Variants in BRDT observed in about 807,000 individuals in gnomAD.
BRDT encodes the protein bromodomain testis-specific protein.
A neutral mutation model predicts 113.9 loss-of-function variants in BRDT; 77 were observed. The observed-to-expected ratio is 0.68, with a 90% CI of 0.56 to 0.82. The LOEUF (loss-of-function observed/expected upper bound fraction) is 0.82, where lower values mean the gene tolerates loss of function less well. Among genes scored for constraint, BRDT ranks in the 40% least tolerant of loss-of-function variants. The probability of loss-of-function intolerance (pLI) is 0.00; values close to 1 mark genes in which losing one functional copy is unlikely to be tolerated. For synonymous variants in BRDT, 358 were observed against 366.5 expected, an observed-to-expected ratio of 0.98 and a Z score of 0.26; for missense variants, 1,027 against 1,105.4, an observed-to-expected ratio of 0.93 and a Z score of 1.01.
At chr1:91,992,411 GCAAA>G (rs1685876691) in intron 14 of BRDT, 97 bp downstream of exon 14, 14 of 193,500 alleles carry the variant, frequency 7.2e-5, no homozygotes, top group Non-Finnish European at 9.8e-5. Context: ...ATGAAGAGAG[GCAAA>G]AAAAAAAAAA....
chr1:91,977,380 T>C lies in BRDT; in HGVS notation c.956T>C (p.Leu319Pro). Residue 319 changes from leucine to proline, a missense_variant, in exon 6 of 19, where the codon CTT becomes CCT. Coordinates refer to ENST00000399546, the MANE Select transcript of BRDT (RefSeq NM_207189.4). ...GACGTTGTCAAAAATCCGATGGATCTTGGAACTATTAAGGTAAATGTTGCC... is the reference window on the plus strand; with the variant it reads ...GACGTTGTCAAAAATCCGATGGATCCTGGAACTATTAAGGTAAATGTTGCC... ...YYDVVKNPMD[L>P]GTIKEKMDNQ... is the part of the protein sequence containing the mutation. 1 of 1,582,406 alleles carries C rather than the reference T, an allele frequency of 6.3e-7. No individual in the cohort carries two copies. The highest frequency in any genetic ancestry group is 2.3e-5 in the East Asian group (1 of 44,434).
At chr1:91,990,987 T>C (rs1266553433) in intron 12 of BRDT, among the ~76,000 whole-genome samples, 197 bp from the exon 13 acceptor site, 1 of 152,064 alleles carries the variant, frequency 6.6e-6, no homozygotes, top group African/African-American at 2.4e-5. Flanking sequence ...TTAGTAGAGA[T>C]GGGGTTTCAC....
chr1:91,956,154 A>T (rs938698836), intron 1 of BRDT, among the ~76,000 whole-genome samples: 10 of 152,164 alleles, frequency 6.6e-5, no homozygotes, highest in African/African-American at 2.2e-4. Flanking sequence ...AAGATGAACA[A>T]TCCCCTAGAT....
intron 15 of BRDT, among the ~76,000 whole-genome samples, chr1:91,995,546 A>G (rs1284070486): frequency 1.3e-5 from 2 of 151,342 alleles, no homozygotes; most frequent in African/African-American, 4.9e-5. Context: ...CAACCTCCGC[A>G]ATGATTCCCG....
intron 1 of BRDT, among the ~76,000 whole-genome samples, chr1:91,962,142 CTCAAAAAAAAAAAAAAAAAAAAA>C (rs1557806133): frequency 1.8e-5 from 1 of 54,622 alleles, no homozygotes; most frequent in Non-Finnish European, 3.0e-5. Context: ...AAGACTCCGT[CTCAAAAAAAAAAAAAAAAAAAAA>C]AAAAAAAAAA....
At chr1:91,962,540 G>C (rs1384052817) in intron 1 of BRDT, among the ~76,000 whole-genome samples, 178 bp from the exon 2 acceptor site, 24 of 151,954 alleles carry the variant, frequency 1.6e-4, no homozygotes, top group Admixed American at 1.5e-3. Flanking sequence ...CACTACATTG[G>C]TCAGGCTGGT....
At chr1:91,969,609 G>A (rs946068963) in intron 4 of BRDT, among the ~76,000 whole-genome samples, 7 of 151,944 alleles carry the variant, frequency 4.6e-5, no homozygotes, top group African/African-American at 1.2e-4. Flanking sequence ...TAAAACCAGC[G>A]TGCTAATTGT....
intron 2 of BRDT, 148 bp from the exon 3 acceptor site, chr1:91,964,479 G>A: frequency 2.1e-6 from 1 of 471,976 alleles, no homozygotes; most frequent in Non-Finnish European, 3.5e-6. Flanking sequence ...ACAGGCGTGA[G>A]CCACTGTGCC....
intron 15 of BRDT, among the ~76,000 whole-genome samples, chr1:91,995,079 G>C (rs189740525): frequency 1.2e-4 from 19 of 152,168 alleles, no homozygotes; most frequent in African/African-American, 4.1e-4. Flanking sequence ...AGAAGGGAAA[G>C]TTTTGCCTGT....
In BRDT at chr1:91,994,068, A is replaced by T; in HGVS notation, c.2116-15A>T. 2 of 1,580,690 alleles carry T rather than the reference A, an allele frequency of 1.3e-6. No individual in the cohort carries two copies. Among genetic ancestry groups the T allele is most frequent in the Non-Finnish European group, 1.7e-6 (2 of 1,167,028 alleles). ...TGGTTAAAACTAAGTGATAACTTTG[A>T]TTTTGTTTTAACAGATAGGATATTG... On this transcript the variant is annotated splice_polypyrimidine_tract_variant and intron_variant, in intron 14 of 18. Coordinates refer to ENST00000399546, the MANE Select transcript of BRDT (RefSeq NM_207189.4).
intron 12 of BRDT, among the ~76,000 whole-genome samples, chr1:91,985,740 GTTATTCTCCT>G (rs1250331114): frequency 6.9e-6 from 1 of 145,694 alleles, no homozygotes; most frequent in African/African-American, 2.5e-5. Flanking sequence ...CCGGGTTCAC[GTTATTCTCCT>G]GCCTCAGCCT....
intron 1 of BRDT, among the ~76,000 whole-genome samples, chr1:91,961,510 T>G (rs1682439355): frequency 6.6e-6 from 1 of 151,930 alleles, no homozygotes; most frequent in Non-Finnish European, 1.5e-5. Flanking sequence ...GCATCTGTAG[T>G]CGCAGCTACT....
intron 4 of BRDT, among the ~76,000 whole-genome samples, chr1:91,971,516 G>T (rs1050881422): frequency 6.6e-6 from 1 of 152,120 alleles, no homozygotes; most frequent in African/African-American, 2.4e-5. Context: ...AAAATAATGT[G>T]GTTACGTACA....
chr1:92,004,657 T>C, intron 17 of BRDT, 38 bp downstream of exon 17: 1 of 1,502,892 alleles, frequency 6.7e-7, no homozygotes, highest in South Asian at 1.3e-5. Context: ...GTTTGGGAGA[T>C]ATAGAATGTA....
chr1:91,983,030 A>G (rs1398225300), intron 12 of BRDT, among the ~76,000 whole-genome samples: 2 of 152,122 alleles, frequency 1.3e-5, no homozygotes, highest in African/African-American at 4.8e-5. Context: ...GTTAGTTTGA[A>G]TTATCTAATT....
chr1:91,973,209 G>A (rs969462241), intron 4 of BRDT, among the ~76,000 whole-genome samples: 1 of 152,200 alleles, frequency 6.6e-6, no homozygotes, highest in Non-Finnish European at 1.5e-5. Flanking sequence ...TTGAAGTGAG[G>A]TAGTGTGATG....
intron 12 of BRDT, among the ~76,000 whole-genome samples, chr1:91,987,403 G>A (rs544600460): frequency 1.3e-5 from 2 of 151,742 alleles, no homozygotes; most frequent in East Asian, 3.9e-4. Context: ...GTGCGATCTC[G>A]GCTCACTGCA....
intron 18 of BRDT, among the ~76,000 whole-genome samples, chr1:92,013,588 G>C (rs1245952397): frequency 8.5e-5 from 13 of 152,070 alleles, no homozygotes; most frequent in Non-Finnish European, 1.5e-5. Context: ...GTTGACATTT[G>C]TTTCCTTTGT....
intron 12 of BRDT, among the ~76,000 whole-genome samples, chr1:91,982,857 C>T (rs1439468390): frequency 6.6e-6 from 1 of 152,008 alleles, no homozygotes; most frequent in African/African-American, 2.4e-5. Context: ...ATAGTATTTC[C>T]TTATTTGACT....
Sources: gnomAD v4.1 joint callset for allele counts (sites outside exome capture counted in the v4.1 genomes callset) on GRCh38, gnomAD v4.1.1 for gene constraint, MANE v1.5 for transcripts, NCBI Gene and HGNC (gene_info 2026-07-23, HGNC 2026-07-21) for gene names.